Variants in JARID2 observed in about 807,000 individuals in gnomAD.
JARID2 encodes the protein jumonji and AT-rich interaction domain containing 2.
In JARID2, 21 loss-of-function variants were observed where a neutral mutation model predicts 125.6. The observed-to-expected ratio is 0.17, with a 90% CI of 0.12 to 0.24. The LOEUF (loss-of-function observed/expected upper bound fraction) is 0.24. Among genes scored for constraint, JARID2 ranks in the 10% least tolerant of loss-of-function variants. The probability of loss-of-function intolerance (pLI) is 1.00; values close to 1 mark genes in which losing one functional copy is unlikely to be tolerated. For synonymous variants in JARID2, 736 were observed against 661.6 expected, an observed-to-expected ratio of 1.11 and a Z score of -1.73; for missense variants, 1,303 against 1,639.6, an observed-to-expected ratio of 0.79 and a Z score of 3.55.
At chr6:15,371,160 C>T (rs752833097) in intron 1 of JARID2, among the ~76,000 whole-genome samples, 1 of 152,156 alleles carries the variant, frequency 6.6e-6, no homozygotes, top group Non-Finnish European at 1.5e-5. Context: ...ACCTTAAATG[C>T]GCTTCCTTTC....
chr6:15,277,034 AAT>A (rs1760551299), intron 1 of JARID2, among the ~76,000 whole-genome samples: 1 of 152,226 alleles, frequency 6.6e-6, no homozygotes, highest in Non-Finnish European at 1.5e-5. Flanking sequence ...GTTCTTCATG[AAT>A]GAGTTCTTAG....
intron 1 of JARID2, among the ~76,000 whole-genome samples, chr6:15,314,717 C>T (rs746106001): frequency 6.6e-6 from 1 of 152,040 alleles, no homozygotes; most frequent in Non-Finnish European, 1.5e-5. Context: ...TACATAGATG[C>T]CAGAGGTAGA....
intron 1 of JARID2, among the ~76,000 whole-genome samples, chr6:15,295,059 C>A (rs1761357686): frequency 6.6e-6 from 1 of 151,960 alleles, no homozygotes; most frequent in Non-Finnish European, 1.5e-5. Context: ...TGGTATAGAA[C>A]CATCTTATTA....
chr6:15,324,885 T>C (rs951889795), intron 1 of JARID2, among the ~76,000 whole-genome samples: 1 of 151,562 alleles, frequency 6.6e-6, no homozygotes, highest in Admixed American at 6.6e-5. Context: ...CTTTTGTTGT[T>C]GTTGTTTTAA....
At chr6:15,410,477 A>G in intron 3 of JARID2, 112 bp downstream of exon 3, 2 of 1,002,430 alleles carry the variant, frequency 2.0e-6, no homozygotes, top group Non-Finnish European at 3.0e-6. Context: ...CTTGATTTTC[A>G]TAGAGGAGCC....
chr6:15,272,395 T>C (rs1485948583), intron 1 of JARID2, among the ~76,000 whole-genome samples: 1 of 152,200 alleles, frequency 6.6e-6, no homozygotes, highest in Non-Finnish European at 1.5e-5. Flanking sequence ...CTCTTACTGT[T>C]TTGCTGGTTT....
intron 5 of JARID2, among the ~76,000 whole-genome samples, chr6:15,480,954 A>G (rs1769585228): frequency 6.6e-6 from 1 of 152,226 alleles, no homozygotes; most frequent in East Asian, 1.9e-4. Context: ...TTTGGGGAAC[A>G]TTGTTTAGGA....
chr6:15,442,230 A>G (rs1767478579), intron 3 of JARID2, among the ~76,000 whole-genome samples: 1 of 152,118 alleles, frequency 6.6e-6, no homozygotes, highest in Non-Finnish European at 1.5e-5. Flanking sequence ...TGAGTAATCT[A>G]AAATTGAGAG....
intron 16 of JARID2, among the ~76,000 whole-genome samples, chr6:15,516,450 C>A (rs573840333): frequency 6.6e-6 from 1 of 152,346 alleles, no homozygotes; most frequent in East Asian, 1.9e-4. Context: ...TCTGTCCCAG[C>A]ACTCTCCTGT....
intron 3 of JARID2, among the ~76,000 whole-genome samples, chr6:15,427,956 G>A (rs982147512): frequency 2.0e-5 from 3 of 151,680 alleles, no homozygotes; most frequent in Non-Finnish European, 2.9e-5. Flanking sequence ...ATTGCAAGTA[G>A]TGCACAGTGC....
rs771612168 is a variant in JARID2, at chr6:15,496,492, G to A, written c.1267G>A (p.Gly423Arg). 7 of 1,610,186 alleles carry A rather than the reference G, an allele frequency of 4.3e-6. 1 individual carries two copies. In the South Asian group the frequency reaches 5.5e-5, roughly 13 times the overall value. ...CCCAAAGTCATGCACTAAGGAGGTGGGGGGGCGGCAGCTGCGGGAGGGCCT... is the reference window on the plus strand; with the variant it reads ...CCCAAAGTCATGCACTAAGGAGGTGAGGGGGCGGCAGCTGCGGGAGGGCCT... ...LNPKSCTKEVGGRQLREGLQL... is the reference protein window; with the variant it reads ...LNPKSCTKEVRGRQLREGLQL... Residue 423 changes from glycine to arginine, a missense_variant, in exon 7 of 18, where the codon GGG becomes AGG. Coordinates refer to ENST00000341776, the MANE Select transcript of JARID2 (RefSeq NM_004973.4).
intron 1 of JARID2, among the ~76,000 whole-genome samples, chr6:15,257,488 C>T (rs983330118): frequency 9.2e-5 from 14 of 152,088 alleles, no homozygotes; most frequent in African/African-American, 2.7e-4. Flanking sequence ...GCTTCAAGGC[C>T]GTTGGTTGAT....
chr6:15,379,803 A>G (rs1764508840), intron 2 of JARID2, among the ~76,000 whole-genome samples: 4 of 152,202 alleles, frequency 2.6e-5, no homozygotes, highest in African/African-American at 9.7e-5. Flanking sequence ...TTGCCTACCC[A>G]GCTATTAAGT....
At chr6:15,336,651 C>CTT (rs10716567) in intron 1 of JARID2, among the ~76,000 whole-genome samples, 46 of 133,162 alleles carry the variant, frequency 3.5e-4, no homozygotes, top group African/African-American at 8.9e-4. Context: ...ATTCAGGATT[C>CTT]TTTTTTTTTT....
At position 15,496,150 on chromosome 6, in the gene JARID2, G is replaced by A. The variant is rs1306142295; in HGVS notation, c.925G>A (p.Val309Ile). 6.2e-7 allele frequency: 1 copy of A among 1,612,460 alleles called. No individual in the cohort carries two copies. The highest frequency in any genetic ancestry group is 1.1e-5 in the South Asian group (1 of 90,966). Residue 309 changes from valine to isoleucine, a missense_variant, in exon 7 of 18, where the codon GTC (valine) becomes ATC (isoleucine). Val to Ile is a conservative substitution (Grantham distance 29, BLOSUM62 3). This residue lies in a region of JARID2 where 651 missense variants were observed against 581.6 expected (regional missense o/e 1.12). Coordinates refer to ENST00000341776, the MANE Select transcript of JARID2 (RefSeq NM_004973.4). ...TCCACAGGTTTCTAAGGTAAACGGA[G>A]TCACTCGAATGTCATCTCTGGGTGC... ...LRKQVSKVNG[V>I]TRMSSLGAGV...
At chr6:15,377,723 G>A (rs1764412305) in intron 2 of JARID2, among the ~76,000 whole-genome samples, 1 of 151,906 alleles carries the variant, frequency 6.6e-6, no homozygotes, top group African/African-American at 2.4e-5. Flanking sequence ...TAGTAGGGAT[G>A]GGGTTTCACC....
At chr6:15,477,301 G>A (rs760982686) in intron 5 of JARID2, among the ~76,000 whole-genome samples, 15 of 151,838 alleles carry the variant, frequency 9.9e-5, no homozygotes, top group Non-Finnish European at 1.8e-4. Flanking sequence ...TTGGGGTGTC[G>A]GTCATGCATC....
intron 2 of JARID2, among the ~76,000 whole-genome samples, chr6:15,405,839 C>T (rs1028619019): frequency 6.6e-6 from 1 of 152,190 alleles, no homozygotes; most frequent in Non-Finnish European, 1.5e-5. Context: ...ATAATAATGG[C>T]TCTGTTGCCC....
rs778012192 is a variant in JARID2, at chr6:15,487,313, A to T, written c.677A>T (p.Asn226Ile). Residue 226 changes from asparagine to isoleucine, a missense_variant, in exon 6 of 18, where the codon AAT (asparagine) becomes ATT (isoleucine). By Grantham distance (149) the Asn-to-Ile change is moderately radical. This residue lies in a region of JARID2 where 651 missense variants were observed against 581.6 expected (regional missense o/e 1.12). Transcript: ENST00000341776. ...HKHVHNGHVFNGSSRSTREKE... is the reference protein window; with the variant it reads ...HKHVHNGHVFIGSSRSTREKE... The stretch of plus-strand genomic sequence containing the variant: ...TTTTCTCCTTCCTTTCTAGTTTTCA[A>T]TGGTTCCAGCAGGTCAACACGGGAG... 1 of 1,613,796 alleles carries T rather than the reference A, an allele frequency of 6.2e-7. No homozygotes were observed. The highest frequency in any genetic ancestry group is 1.1e-5 in the South Asian group (1 of 91,060).
Sources: allele counts gnomAD v4.1 joint callset (sites outside exome capture counted in the v4.1 genomes callset), GRCh38; gene constraint gnomAD v4.1.1; regional missense constraint gnomAD v4.1.1; transcripts MANE v1.5; gene names NCBI Gene and HGNC (gene_info 2026-07-23, HGNC 2026-07-21).